The following COL12A1 variants were observed in gnomAD, a reference collection of about 807,000 sequenced individuals.
COL12A1 encodes collagen alpha-1(XII) chain.
A neutral mutation model predicts 349.7 loss-of-function variants in COL12A1; 114 were observed. The ratio of observed to expected loss-of-function variants is 0.33; its 90% CI spans 0.28 to 0.38. The LOEUF is 0.38. Ranked by LOEUF, COL12A1 falls within the 10% of genes least tolerant of loss-of-function variation. The pLI is 1.00. For missense variants in COL12A1, 3,284 were observed against 3,756.9 expected, an observed-to-expected ratio of 0.87 and a Z score of 3.29; for synonymous variants, 1,369 against 1,329.0, an observed-to-expected ratio of 1.03 and a Z score of -0.66.
intron 2 of COL12A1, among the ~76,000 whole-genome samples, chr6:75,202,199 G>A (rs1770563276): frequency 1.3e-5 from 2 of 152,200 alleles, no homozygotes; most frequent in African/African-American, 4.8e-5. Context: ...TGCCCGCACC[G>A]TCCGCCCCGC....
At chr6:75,134,160 G>T (rs1046446888) in intron 32 of COL12A1, among the ~76,000 whole-genome samples, 163 bp from the exon 33 acceptor site, 1 of 152,170 alleles carries the variant, frequency 6.6e-6, no homozygotes, top group African/African-American at 2.4e-5. Context: ...GCGTCAGCCT[G>T]ATGCATATGT....
chr6:75,154,537 C>G lies in COL12A1; in HGVS notation c.3444G>C (p.Arg1148Ser). Reference protein sequence around the residue: ...YDNTVVLEELRAGTTYKVNVF... With the variant: ...YDNTVVLEELSAGTTYKVNVF... The stretch of plus-strand genomic sequence containing the variant: ...CATTTACTTTATAGGTGGTACCAGC[C>G]CTAAAATGTTAAAGTATATATATAG... The change falls in exon 17 of 66, where the codon AGG (arginine) becomes AGC (serine). Residue 1148 changes from arginine (R) to serine (S), a missense_variant and splice_region_variant. Transcript: ENST00000322507. The G allele has an allele frequency of 1.9e-6, 3 of 1,606,840 alleles. No homozygotes were observed. Among genetic ancestry groups the G allele is most frequent in the Non-Finnish European group, 2.6e-6 (3 of 1,175,684 alleles).
At chr6:75,154,254 A>G (rs1477829227) in intron 17 of COL12A1, among the ~76,000 whole-genome samples, 162 bp downstream of exon 17, 1 of 152,100 alleles carries the variant, frequency 6.6e-6, no homozygotes, top group Non-Finnish European at 1.5e-5. Flanking sequence ...AGCATGCTTG[A>G]CTGGATGTTT....
chr6:75,137,730 A>G lies in COL12A1; in HGVS notation c.5252-151T>C. ...AATAAAAATGGTTATTGATTCTTAA[A>G]TGACTCCTTAGTATGGACTTTCATT... On this transcript the variant is annotated intron_variant, in intron 30 of 65. Coordinates refer to ENST00000322507, the MANE Select transcript of COL12A1 (RefSeq NM_004370.6). 8.3e-6 allele frequency: 7 copies of G among 844,348 alleles called. No individual in the cohort carries two copies. In the South Asian group the frequency reaches 1.1e-4, roughly 13 times the overall value. The allele number at this position is 844,348 out of a possible 1,614,324, so 52.3% of individuals were successfully genotyped here. A position where few individuals can be genotyped will look rare whatever the true frequency, so the allele number is the denominator to read the frequency against.
chr6:75,125,195 T>C lies in COL12A1; in HGVS notation c.6539A>G (p.Tyr2180Cys). Residue 2180 changes from tyrosine (Y) to cysteine (C), a missense_variant, in exon 40 of 66, where the codon TAC becomes TGC. Transcript: ENST00000322507. The part of the protein sequence containing the change: ...TLHNLNPSTT[Y>C]DVNVYAQYDS... ...ATATTGAGCATAAACATTCACATCG[T>C]AGGTGGTGCTGGGATTGAGATTGTG... The C allele has an allele frequency of 6.2e-7, 1 of 1,612,414 alleles. No homozygotes were observed.
At chr6:75,093,901 C>G (rs1378841750) in intron 60 of COL12A1, among the ~76,000 whole-genome samples, 1 of 152,234 alleles carries the variant, frequency 6.6e-6, no homozygotes, top group Non-Finnish European at 1.5e-5. Context: ...ATATAAGACA[C>G]TACTGAGGTC....
At position 75,115,823 on chromosome 6, in the gene COL12A1, T is replaced by C. The variant is rs1388269564; in HGVS notation, c.7658A>G (p.Tyr2553Cys). The change falls in exon 49 of 66, where the codon TAC becomes TGC. Residue 2553 changes from tyrosine (Y) to cysteine (C), a missense_variant. Physicochemically the swap from Tyr to Cys is radical, Grantham distance 194. Around this residue, in one of 2 missense-constraint regions of COL12A1, gnomAD observed 683 missense variants for 932.1 expected, o/e 0.73. Transcript: ENST00000322507. ...ESGSFPSYSA[Y>C]RIQKNAFVNQ... ...CACAAACGCATTCTTCTGAATCCTG[T>C]ATGCTGAGTAGCTGGGGAAAGACCC... is the stretch of plus-strand genomic sequence containing the variant. The C allele has an allele frequency of 1.2e-6, 2 of 1,613,338 alleles. No individual in the cohort carries two copies. The highest frequency in any genetic ancestry group is 1.3e-5 in the African/African-American group (1 of 74,882).
chr6:75,186,851 G>A lies in COL12A1; in HGVS notation c.997+1511C>T, dbSNP rs146909775. The stretch of plus-strand genomic sequence containing the variant: ...ATAGAGCTAGAGGCCATTATCCTTA[G>A]CAAACTAACACAGGAACAGAAAACC... On this transcript the variant is annotated intron_variant, in intron 8 of 65. Transcript: ENST00000322507. Among the ~76,000 whole-genome samples the A allele has an allele frequency of 4.3e-3, 655 of 152,234 alleles. 1 individual carries two copies. The highest frequency in any genetic ancestry group is 0.015 in the African/African-American group (636 of 41,550).
chr6:75,161,082 C>G (rs1381346693), intron 14 of COL12A1, among the ~76,000 whole-genome samples: 2 of 152,142 alleles, frequency 1.3e-5, no homozygotes, highest in Non-Finnish European at 1.5e-5. Flanking sequence ...CACACACACA[C>G]ACACCCACAC....
In COL12A1 at chr6:75,102,070, A is replaced by T. The variant is rs763675031; in HGVS notation, c.8416-18T>A. 1.2e-6 allele frequency: 2 copies of T among 1,612,756 alleles called. No homozygotes were observed. On this transcript the variant is annotated intron_variant, in intron 56 of 65. Transcript: ENST00000322507. ...TGGCGACCCTAGAGTGAGCAATGGG[A>T]AAACAGTTCTCAGGCGTTTCACAGA...
rs1769237515 is a variant in COL12A1, at chr6:75,180,919, T to C, written c.2164+20A>G. Reference sequence around the variant, plus strand: ...AAATTATTCATTTTCTGAATAACAGTGGCAGAAACCCCATCACACCTTCTT... The same window carrying C: ...AAATTATTCATTTTCTGAATAACAGCGGCAGAAACCCCATCACACCTTCTT... On this transcript the variant is annotated intron_variant, in intron 11 of 65. Transcript: ENST00000322507. 6.3e-7 allele frequency: 1 copy of C among 1,597,956 alleles called. No homozygotes were observed. The highest frequency in any genetic ancestry group is 8.6e-7 in the Non-Finnish European group (1 of 1,169,316).
intron 2 of COL12A1, among the ~76,000 whole-genome samples, chr6:75,197,491 T>C (rs1257478353): frequency 6.6e-6 from 1 of 152,022 alleles, no homozygotes; most frequent in Non-Finnish European, 1.5e-5. Context: ...TTTGTATTTT[T>C]AGTAGAGACG....
chr6:75,194,722 C>T (rs1466581845), intron 3 of COL12A1, 109 bp downstream of exon 3: 1 of 647,770 alleles, frequency 1.5e-6, no homozygotes, highest in African/African-American at 1.9e-5. Flanking sequence ...GATCAAATCC[C>T]TCAGGCTTCC....
intron 24 of COL12A1, among the ~76,000 whole-genome samples, 168 bp downstream of exon 24, chr6:75,145,934 C>G (rs1340080769): frequency 6.6e-6 from 1 of 152,180 alleles, no homozygotes; most frequent in Non-Finnish European, 1.5e-5. Flanking sequence ...GTGGGCAGTC[C>G]ATGCCAATGT....
chr6:75,139,422 A>G (rs1447101102), intron 27 of COL12A1, among the ~76,000 whole-genome samples: 1 of 152,208 alleles, frequency 6.6e-6, no homozygotes, highest in East Asian at 1.9e-4. Context: ...ATTAAAGATG[A>G]TGCTCAAGGA....
intron 36 of COL12A1, 134 bp downstream of exon 36, chr6:75,130,718 G>T: frequency 8.7e-7 from 1 of 1,143,840 alleles, no homozygotes; most frequent in Non-Finnish European, 1.2e-6. Flanking sequence ...GTTTTCGCCT[G>T]GAATGTAAAT....
intron 55 of COL12A1, among the ~76,000 whole-genome samples, chr6:75,103,368 GCCA>G (rs1341889499): frequency 0.012 from 1,823 of 152,278 alleles, 36 homozygotes; most frequent in African/African-American, 0.04. Flanking sequence ...CACATACGCA[GCCA>G]CTCAGCATTT....
At chr6:75,142,671 C>T (rs571665566) in intron 26 of COL12A1, among the ~76,000 whole-genome samples, 1 of 152,152 alleles carries the variant, frequency 6.6e-6, no homozygotes, top group Non-Finnish European at 1.5e-5. Context: ...TCCAAAAATG[C>T]CTCTGAGATT....
At chr6:75,138,401 A>G (rs754864093) in intron 29 of COL12A1, 47 bp downstream of exon 29, 1 of 1,605,604 alleles carries the variant, frequency 6.2e-7, no homozygotes, top group East Asian at 2.2e-5. Context: ...ATTTTTTAAA[A>G]ATTAACTTTA....
Sources: allele counts gnomAD v4.1 joint callset (sites outside exome capture counted in the v4.1 genomes callset), GRCh38; gene constraint gnomAD v4.1.1; regional missense constraint gnomAD v4.1.1; transcripts MANE v1.5; gene names NCBI Gene and HGNC (gene_info 2026-07-23, HGNC 2026-07-21).